The following CCDC6 variants were observed in gnomAD, a reference collection of about 807,000 sequenced individuals.
CCDC6 encodes the protein coiled-coil domain-containing protein 6.
Under a neutral mutation model 56.6 loss-of-function variants are expected in CCDC6, and 20 were observed. The observed-to-expected ratio is 0.35, with a 90% CI of 0.25 to 0.51. CCDC6 has a LOEUF of 0.51. Ranked by LOEUF, CCDC6 falls within the 20% of genes least tolerant of loss-of-function variation. CCDC6 has a pLI of 0.95. For synonymous variants in CCDC6, 241 were observed against 234.4 expected (o/e 1.03, Z -0.26); for missense variants, 367 against 601.1 (o/e 0.61, Z 4.07).
intron 7 of CCDC6, among the ~76,000 whole-genome samples, chr10:59,795,024 G>C (rs900681184): frequency 1.3e-5 from 2 of 151,988 alleles, no homozygotes; most frequent in Non-Finnish European, 2.9e-5. Context: ...AAGGAAAATA[G>C]GGGAAAAGCT....
intron 3 of CCDC6, among the ~76,000 whole-genome samples, chr10:59,821,029 G>A (rs1014774840): frequency 6.6e-6 from 1 of 152,072 alleles, no homozygotes; most frequent in African/African-American, 2.4e-5. Flanking sequence ...TGATTTCATA[G>A]ATGTTCAAGT....
Position 59,900,184 on chromosome 10 carries a change from C to T in CCDC6, c.303+5938G>A, listed in dbSNP as rs539467963. Among the ~76,000 whole-genome samples, 5 of 151,782 alleles carry T rather than the reference C, an allele frequency of 3.3e-5. No homozygotes were observed. The South Asian group carries it at 1.0e-3, about 32-fold the overall frequency. On this transcript the variant is annotated intron_variant, in intron 1 of 8. Transcript: ENST00000263102. ...ATGAACCGGGAAAGATCTCGATAGT[C>T]GAGTGTCAGTGACGTGGGGTGGGGG...
At chr10:59,798,019 C>T (rs1046466701) in intron 7 of CCDC6, among the ~76,000 whole-genome samples, 1 of 152,180 alleles carries the variant, frequency 6.6e-6, no homozygotes, top group Non-Finnish European at 1.5e-5. Context: ...CGTCAAGAGT[C>T]AGTGCAGAAG....
intron 5 of CCDC6, among the ~76,000 whole-genome samples, chr10:59,808,786 T>A (rs1305827010): frequency 6.6e-6 from 1 of 152,210 alleles, no homozygotes; most frequent in Non-Finnish European, 1.5e-5. Context: ...TAAGCAACTC[T>A]ACAAAGGTCT....
intron 2 of CCDC6, among the ~76,000 whole-genome samples, chr10:59,848,164 C>G (rs1328022370): frequency 6.6e-6 from 1 of 152,182 alleles, no homozygotes; most frequent in African/African-American, 2.4e-5. Context: ...ACTGCCAAGA[C>G]AGGTTCTGGC....
chr10:59,794,843 A>G (rs1281532780), intron 7 of CCDC6, among the ~76,000 whole-genome samples: 1 of 152,214 alleles, frequency 6.6e-6, no homozygotes, highest in Non-Finnish European at 1.5e-5. Flanking sequence ...AAGGGCACCA[A>G]GAATACACAA....
rs566843406 is a variant in CCDC6 at position 59,790,886 on chromosome 10, T to C, written c.*2031A>G. On this transcript the variant is annotated 3_prime_UTR_variant, in exon 9 of 9. Transcript: ENST00000263102. ...AAGCTGAGGGAAGATCATTCCATTA[T>C]GGACTTTCTTGTTTGGGTGCAAGAC... The C allele has an allele frequency of 1.9e-5, 4 of 208,144 alleles. No individual in the cohort carries two copies. The highest frequency in any genetic ancestry group is 3.8e-4 in the South Asian group (2 of 5,322). 12.9% of individuals were successfully genotyped at this position (208,144 alleles called of 1,614,324 possible). A position where few individuals can be genotyped will look rare whatever the true frequency, so the allele number is the denominator to read the frequency against.
At chr10:59,897,905 T>G (rs577042336) in intron 1 of CCDC6, among the ~76,000 whole-genome samples, 9 of 152,310 alleles carry the variant, frequency 5.9e-5, no homozygotes, top group Middle Eastern at 3.4e-3. Context: ...CAGTACCAAG[T>G]GGCCTCATTT....
chr10:59,807,581 C>G (rs1351562442), intron 5 of CCDC6, among the ~76,000 whole-genome samples: 2 of 152,042 alleles, frequency 1.3e-5, no homozygotes, highest in Admixed American at 6.6e-5. Context: ...AAAAGTTTAC[C>G]AATTATTTGC....
intron 7 of CCDC6, among the ~76,000 whole-genome samples, chr10:59,800,593 C>T (rs1021492366): frequency 6.7e-6 from 1 of 149,424 alleles, no homozygotes; most frequent in Non-Finnish European, 1.5e-5. Context: ...AAATTTATTA[C>T]ATTTAGCCTT....
rs1286912906 is a variant in CCDC6, at chr10:59,789,483, C to CA, written c.*3433dup. ...CCTAAAAAACAAAGAAAAAAACAAA[C>CA]AAAAAATCACCAAAAACCTAGAAAC... On this transcript the variant is annotated 3_prime_UTR_variant, in exon 9 of 9. Transcript: ENST00000263102. 8.6e-6 allele frequency: 2 copies of CA among 232,300 alleles called. No homozygotes were observed. Among genetic ancestry groups the CA allele is most frequent in the East Asian group, 1.2e-4 (2 of 16,476 alleles). 14.4% of individuals were successfully genotyped at this position (232,300 alleles called of 1,614,324 possible).
In CCDC6 at chr10:59,852,521, G is replaced by A. The variant is rs781556067; in HGVS notation, c.453+32C>T. On this transcript the variant is annotated intron_variant, in intron 2 of 8. Coordinates refer to ENST00000263102, the MANE Select transcript of CCDC6 (RefSeq NM_005436.5). ...TTTCTCCTAGAAAGGAAAATAGGCA[G>A]GGAAGATGAGGGAGTAGAAAAGATA... is the stretch of plus-strand genomic sequence containing the variant. 8 of 1,527,452 alleles carry A rather than the reference G, an allele frequency of 5.2e-6. No individual in the cohort carries two copies. The East Asian group carries it at 1.9e-4, about 36-fold the overall frequency. The allele number at this position is 1,527,452 out of a possible 1,614,324, so 94.6% of individuals were successfully genotyped here.
chr10:59,864,044 T>G (rs10509114), intron 1 of CCDC6, among the ~76,000 whole-genome samples: 27,433 of 152,154 alleles, frequency 0.18, 3,219 homozygotes, highest in Middle Eastern at 0.27. Flanking sequence ...CATTTTCTAT[T>G]GCAACAACAT....
chr10:59,796,656 C>T (rs373203260), intron 7 of CCDC6, among the ~76,000 whole-genome samples: 1 of 152,132 alleles, frequency 6.6e-6, no homozygotes, highest in Non-Finnish European at 1.5e-5. Context: ...ATATTCACTA[C>T]AGTGTTATTC....
chr10:59,807,737 C>A lies in CCDC6; in HGVS notation c.848-659G>T, dbSNP rs143499506. On this transcript the variant is annotated intron_variant, in intron 5 of 8. Transcript: ENST00000263102. ...ACTACAAGAGCTCTTCTCTACATTG[C>A]CAGAGCTGGGAAAGGAGGGAGGCCC... 5.2e-3 allele frequency among the ~76,000 whole-genome samples: 797 copies of A among 152,196 alleles called. 7 individuals are homozygous for A. The highest frequency in any genetic ancestry group is 0.019 in the African/African-American group (777 of 41,530).
At chr10:59,794,633 C>CTCAACTATCTGGTGTCT in intron 7 of CCDC6, 36 bp from the exon 8 acceptor site, 3 of 1,600,824 alleles carry the variant, frequency 1.9e-6, no homozygotes, top group Non-Finnish European at 2.6e-6. Context: ...TCATTTTAAG[C>CTCAACTATCTGGTGTCT]TCAACTATCT....
chr10:59,822,985 T>C (rs2070759584), intron 3 of CCDC6, among the ~76,000 whole-genome samples: 1 of 152,020 alleles, frequency 6.6e-6, no homozygotes, highest in South Asian at 2.1e-4. Flanking sequence ...GAGGGACAGC[T>C]TGCTGGCGTA....
Position 59,792,384 on chromosome 10 carries a change from A to G in CCDC6, c.*533T>C. ...CTGTAGAAAGTTCTGTTAAACAGAAAATATGTCTTGGGCACTGATTCATCT... is the reference window on the plus strand; with the variant it reads ...CTGTAGAAAGTTCTGTTAAACAGAAGATATGTCTTGGGCACTGATTCATCT... On this transcript the variant is annotated 3_prime_UTR_variant, in exon 9 of 9. Transcript: ENST00000263102. 2.5e-6 allele frequency: 1 copy of G among 400,766 alleles called. No individual in the cohort carries two copies. Among genetic ancestry groups the G allele is most frequent in the Non-Finnish European group, 4.7e-6 (1 of 212,040 alleles). The allele number at this position is 400,766 out of a possible 1,614,324, so 24.8% of individuals were successfully genotyped here.
rs149677417 is a variant in CCDC6, at chr10:59,800,029, C to A, written c.1105+4391G>T. Among the ~76,000 whole-genome samples the A allele has an allele frequency of 4.8e-3, 729 of 152,306 alleles. 5 individuals are homozygous for A. The highest frequency in any genetic ancestry group is 0.017 in the African/African-American group (710 of 41,566). On this transcript the variant is annotated intron_variant, in intron 7 of 8. Coordinates refer to ENST00000263102, the MANE Select transcript of CCDC6 (RefSeq NM_005436.5). Reference sequence around the variant, plus strand: ...GCTGGTCGCTCTCTCCTCTTTGAACCTCTTTTTAAACTATTTTACCTTGGG... The same window carrying A: ...GCTGGTCGCTCTCTCCTCTTTGAACATCTTTTTAAACTATTTTACCTTGGG...
Sources: gnomAD v4.1 joint callset for allele counts (sites outside exome capture counted in the v4.1 genomes callset) on GRCh38, gnomAD v4.1.1 for gene constraint, MANE v1.5 for transcripts, NCBI Gene and HGNC (gene_info 2026-07-23, HGNC 2026-07-21) for gene names.